The following ANXA4 variants were observed in gnomAD, a reference collection of about 807,000 sequenced individuals.
ANXA4 encodes annexin A4, also known as 35-beta calcimedin.
In ANXA4, 39 loss-of-function variants were observed where a neutral mutation model predicts 49.8. The ratio of observed to expected loss-of-function variants is 0.78; its 90% confidence interval spans 0.61 to 1.02. The LOEUF (loss-of-function observed/expected upper bound fraction) is 1.02. ANXA4 is among the 50% of genes least tolerant of loss of function. The pLI, the probability that ANXA4 is intolerant of heterozygous loss-of-function variation, is 0.00. For synonymous variants in ANXA4, 134 were observed against 152.5 expected (o/e 0.88, Z 0.89); for missense variants, 360 against 410.1 (o/e 0.88, Z 1.05).
chr2:69,695,150 G>T (rs1391291042), intron 2 of ANXA4, among the ~76,000 whole-genome samples: 1 of 140,192 alleles, frequency 7.1e-6, no homozygotes, highest in East Asian at 2.1e-4. Flanking sequence ...TCTCAAAAAA[G>T]AAAAAAAAAA....
rs1673517651 is a variant in ANXA4, at chr2:69,807,950, C to T, written c.351C>T (p.Ser117=). The change falls in exon 6 of 13, where the codon TCC becomes TCT. Residue 117 remains serine, a synonymous_variant. Coordinates refer to ENST00000394295, the MANE Select transcript of ANXA4 (RefSeq NM_001153.5). The part of the protein sequence containing the change: ...DEGCLIEILA[S]RTPEEIRRIS... ...GCTGCCTAATTGAGATCCTGGCCTC[C>T]CGGACCCCTGAGGAGATCCGGCGCA... 4.3e-6 allele frequency: 7 copies of T among 1,614,136 alleles called. No homozygotes were observed. The highest frequency in any genetic ancestry group is 5.1e-6 in the Non-Finnish European group (6 of 1,180,010).
chr2:69,753,044 G>T (rs990148949), intron 1 of ANXA4, among the ~76,000 whole-genome samples: 3 of 152,102 alleles, frequency 2.0e-5, no homozygotes, highest in Non-Finnish European at 4.4e-5. Flanking sequence ...TTCTTAGGTG[G>T]ACGTTGTCCA....
intron 8 of ANXA4, 40 bp from the exon 9 acceptor site, chr2:69,816,061 C>T (rs890714141): frequency 4.6e-6 from 7 of 1,534,868 alleles, no homozygotes; most frequent in African/African-American, 1.4e-5. Context: ...CCTGGCACAT[C>T]GTTTTTGGAA....
upstream of ANXA4, among the ~76,000 whole-genome samples, chr2:69,644,172 C>CCCA: frequency 1.8e-5 from 1 of 54,090 alleles, no homozygotes; most frequent in African/African-American, 5.7e-5. Flanking sequence ...AGTTCCCCCC[C>CCCA]CCCCCCCCCC....
intron 1 of ANXA4, among the ~76,000 whole-genome samples, chr2:69,769,350 C>A (rs1267741516): frequency 6.6e-6 from 1 of 152,172 alleles, no homozygotes; most frequent in Non-Finnish European, 1.5e-5. Context: ...GAACTCACCA[C>A]AACCAGTTTT....
At chr2:69,667,855 G>A (rs959118077) in intron 2 of ANXA4, among the ~76,000 whole-genome samples, 3 of 152,158 alleles carry the variant, frequency 2.0e-5, no homozygotes, top group African/African-American at 7.2e-5. Flanking sequence ...TGTGTATTGG[G>A]GGTTGACTGG....
At chr2:69,672,263 G>A (rs551410944) in intron 2 of ANXA4, among the ~76,000 whole-genome samples, 11 of 151,870 alleles carry the variant, frequency 7.2e-5, no homozygotes, top group South Asian at 2.1e-4. Context: ...ACAGAATGTC[G>A]CTCTGTCACC....
At chr2:69,773,553 TTTTG>T (rs993271375) in intron 1 of ANXA4, among the ~76,000 whole-genome samples, 3 of 151,856 alleles carry the variant, frequency 2.0e-5, no homozygotes, top group African/African-American at 4.8e-5. Flanking sequence ...GCCCCTGATT[TTTTG>T]TTTGTTTGTT....
In ANXA4 at chr2:69,650,048, A is replaced by G. The variant is rs575791570; in HGVS notation, n.482-2950A>G. Among the ~76,000 whole-genome samples, 18 of 138,478 alleles carry G rather than the reference A, an allele frequency of 1.3e-4. No homozygotes were observed. In the South Asian group the frequency reaches 4.1e-3, roughly 32 times the overall value. 90.8% of individuals were successfully genotyped at this position (138,478 alleles called of 152,430 possible). A position where few individuals can be genotyped will look rare whatever the true frequency, so the allele number is the denominator to read the frequency against. ...CCTCCCGGGTTCAAGAGATTCTCCC[A>G]CCTCAGCCTCTTGAATAGCTGGGAT... On this transcript the variant is annotated intron_variant and non_coding_transcript_variant, in intron 1 of 3. Transcript: ENST00000418066.
chr2:69,774,796 G>C (rs1671900306), intron 1 of ANXA4, among the ~76,000 whole-genome samples: 1 of 152,064 alleles, frequency 6.6e-6, no homozygotes, highest in South Asian at 2.1e-4. Flanking sequence ...CATTTATAAG[G>C]GGAGAGGAAC....
At chr2:69,707,644 G>A (rs1300257320) in intron 2 of ANXA4, among the ~76,000 whole-genome samples, 1 of 152,206 alleles carries the variant, frequency 6.6e-6, no homozygotes, top group Non-Finnish European at 1.5e-5. Flanking sequence ...TACATGAGAT[G>A]TTTTGATACA....
rs1452236516 is a variant in ANXA4 at position 69,648,026 on chromosome 2, GACCTGTGGTAC to G, written n.481+3126_481+3136del. On this transcript the variant is annotated intron_variant and non_coding_transcript_variant, in intron 1 of 3. Transcript: ENST00000418066. ...TTGTTAAGTTTGAAGGAAATGATTT[GACCTGTGGTAC>G]ACCTAAATCATGTTACCATAAACCC... Among the ~76,000 whole-genome samples the G allele has an allele frequency of 4.6e-5, 7 of 152,314 alleles. No homozygotes were observed. In the East Asian group the frequency reaches 1.3e-3, roughly 29 times the overall value.
intron 1 of ANXA4, among the ~76,000 whole-genome samples, chr2:69,776,904 G>A (rs1671981093): frequency 6.6e-6 from 1 of 152,196 alleles, no homozygotes; most frequent in African/African-American, 2.4e-5. Flanking sequence ...CACTTCAGAT[G>A]CCAGTGTCAA....
intron 1 of ANXA4, among the ~76,000 whole-genome samples, chr2:69,749,891 C>G (rs2105489636): frequency 6.6e-6 from 1 of 151,396 alleles, no homozygotes; most frequent in African/African-American, 2.4e-5. Context: ...CCCCTACACT[C>G]CAGCCTGGGT....
At chr2:69,739,596 C>G (rs1367292772), upstream of ANXA4, among the ~76,000 whole-genome samples, 1 of 149,612 alleles carries the variant, frequency 6.7e-6, no homozygotes, top group Non-Finnish European at 1.5e-5. Context: ...TTTAAAGAGA[C>G]ACGGTGGGTG....
chr2:69,655,760 A>G (rs1676415095), intron 2 of ANXA4, among the ~76,000 whole-genome samples: 1 of 152,200 alleles, frequency 6.6e-6, no homozygotes, highest in Non-Finnish European at 1.5e-5. Flanking sequence ...TCACAATAGC[A>G]AAGACTTGGA....
chr2:69,699,831 A>G (rs972772085), intron 2 of ANXA4, among the ~76,000 whole-genome samples: 1 of 152,214 alleles, frequency 6.6e-6, no homozygotes, highest in Non-Finnish European at 1.5e-5. Flanking sequence ...ATCATGACCA[A>G]GAAAAAATTT....
intron 3 of ANXA4, among the ~76,000 whole-genome samples, chr2:69,732,476 T>G (rs557727915): frequency 1.3e-5 from 2 of 149,196 alleles, no homozygotes; most frequent in Non-Finnish European, 3.0e-5. Context: ...ATTACAGTGT[T>G]GGCTGGGCGT....
chr2:69,824,016 C>T (rs1674353981), intron 12 of ANXA4, among the ~76,000 whole-genome samples: 1 of 152,014 alleles, frequency 6.6e-6, no homozygotes, highest in South Asian at 2.1e-4. Flanking sequence ...GAGTTCGAAG[C>T]TGCAGTGAGC....
Sources: allele counts gnomAD v4.1 joint callset (sites outside exome capture counted in the v4.1 genomes callset), GRCh38; gene constraint gnomAD v4.1.1; transcripts MANE v1.5; gene names NCBI Gene and HGNC (gene_info 2026-07-23, HGNC 2026-07-21).